Variants in DOCK11 observed in about 807,000 individuals in gnomAD.
DOCK11 encodes dedicator of cytokinesis 11.
A neutral mutation model predicts 169.1 loss-of-function variants in DOCK11; 70 were observed. The ratio of observed to expected loss-of-function variants is 0.41; its 90% CI spans 0.34 to 0.51. The LOEUF (loss-of-function observed/expected upper bound fraction) is 0.51, where lower values mean the gene tolerates loss of function less well. Among genes scored for constraint, DOCK11 ranks in the 20% least tolerant of loss-of-function variants. DOCK11 has a pLI of 0.10. For synonymous variants in DOCK11, 529 were observed against 541.3 expected (o/e 0.98, Z 0.32); for missense variants, 1,166 against 1,538.8 (o/e 0.76, Z 4.05).
chrX:118,545,128 C>G (rs1489107030), intron 4 of DOCK11, among the ~76,000 whole-genome samples, 195 bp from the exon 5 acceptor site: 1 of 111,265 alleles, frequency 9.0e-6, no homozygotes, highest in East Asian at 2.8e-4. Context: ...CACAAACTTA[C>G]AGTAAGTTTA....
At chrX:118,552,179 GA>G (rs991938311) in intron 6 of DOCK11, among the ~76,000 whole-genome samples, 2 of 112,068 alleles carry the variant, frequency 1.8e-5, no homozygotes, top group African/African-American at 6.5e-5. Context: ...AAGGGAATTA[GA>G]AGATTCCAAC....
intron 12 of DOCK11, among the ~76,000 whole-genome samples, chrX:118,574,635 A>G (rs1428990393): frequency 1.8e-5 from 2 of 111,935 alleles, no homozygotes; most frequent in Non-Finnish European, 3.8e-5. Context: ...TATACTTCTA[A>G]GCAAGGCAAT....
At chrX:118,513,808 C>T (rs753425057) in intron 1 of DOCK11, among the ~76,000 whole-genome samples, 2 of 111,451 alleles carry the variant, frequency 1.8e-5, no homozygotes, top group South Asian at 3.8e-4. Context: ...GATTTTGCTT[C>T]GTTGGGGTTA....
intron 6 of DOCK11, among the ~76,000 whole-genome samples, chrX:118,552,371 G>A (rs917348174): frequency 2.7e-5 from 3 of 111,819 alleles, no homozygotes; most frequent in Non-Finnish European, 5.6e-5. Context: ...CATTCAAGTC[G>A]ATGGGCTGTA....
intron 32 of DOCK11, among the ~76,000 whole-genome samples, chrX:118,625,669 A>G (rs1054251178): frequency 1.8e-5 from 2 of 111,988 alleles, no homozygotes; most frequent in African/African-American, 6.5e-5. Flanking sequence ...AAGATTCTCT[A>G]CTTCCAAGAT....
At chrX:118,651,175 T>A (rs1052853844) in intron 41 of DOCK11, among the ~76,000 whole-genome samples, 1 of 112,191 alleles carries the variant, frequency 8.9e-6, no homozygotes, top group African/African-American at 3.2e-5. Context: ...GGTTCATGCC[T>A]GTAATCCTAG....
At chrX:118,531,189 C>T (rs1048578158) in intron 1 of DOCK11, among the ~76,000 whole-genome samples, 1 of 109,222 alleles carries the variant, frequency 9.2e-6, no homozygotes, top group African/African-American at 3.3e-5. Context: ...GGTGCAGTGG[C>T]TCATGCTGGT....
chrX:118,678,453 ATTT>A (rs1420652700), intron 48 of DOCK11, among the ~76,000 whole-genome samples: 1 of 110,871 alleles, frequency 9.0e-6, no homozygotes, highest in Non-Finnish European at 1.9e-5. Context: ...CAAGATGTAT[ATTT>A]TTTTCTTTTC....
chrX:118,542,938 G>A lies in DOCK11; in HGVS notation c.232G>A (p.Gly78Ser). The A allele has an allele frequency of 8.3e-7, 1 of 1,210,779 alleles. No homozygotes were observed. The highest frequency in any genetic ancestry group is 1.1e-6 in the Non-Finnish European group (1 of 895,007). The change falls in exon 3 of 53, where the codon GGT becomes AGT. Residue 78 changes from glycine to serine, a missense_variant. Transcript: ENST00000276202. Reference sequence around the variant, plus strand: ...CTTTGTGTTCTAGATCTCGGTGATAGGTCGTCAACGCAGAACGGTGCAGTC... The same window carrying A: ...CTTTGTGTTCTAGATCTCGGTGATAAGTCGTCAACGCAGAACGGTGCAGTC... ...PMEDISISVI[G>S]RQRRTVQSTV...
At chrX:118,659,884 G>A (rs1171982822) in intron 44 of DOCK11, among the ~76,000 whole-genome samples, 1 of 112,033 alleles carries the variant, frequency 8.9e-6, no homozygotes, top group Non-Finnish European at 1.9e-5. Flanking sequence ...TTAAATCCCA[G>A]CATTCTAGAA....
intron 1 of DOCK11, among the ~76,000 whole-genome samples, chrX:118,512,612 A>G (rs770738429): frequency 3.6e-5 from 4 of 112,123 alleles, no homozygotes; most frequent in Admixed American, 2.8e-4. Context: ...TAGTTGGAAC[A>G]TAGGGAAACT....
At chrX:118,677,603 G>T (rs772346462) in intron 48 of DOCK11, among the ~76,000 whole-genome samples, 30 of 112,624 alleles carry the variant, frequency 2.7e-4, no homozygotes, top group African/African-American at 9.6e-4. Context: ...AAAAGCCCAT[G>T]GCTATTGTAA....
intron 1 of DOCK11, among the ~76,000 whole-genome samples, chrX:118,502,773 CAA>C (rs1461646664): frequency 1.9e-5 from 2 of 106,252 alleles, no homozygotes; most frequent in Non-Finnish European, 4.0e-5. Context: ...ACAAAACAAA[CAA>C]ACAAACAAAC....
At chrX:118,543,423 G>C in intron 3 of DOCK11, 88 bp from the exon 4 acceptor site, 1 of 741,434 alleles carries the variant, frequency 1.3e-6, no homozygotes, top group Non-Finnish European at 2.0e-6. Flanking sequence ...GTTTTAGAAA[G>C]CCTGTCGGCA....
intron 6 of DOCK11, among the ~76,000 whole-genome samples, chrX:118,547,462 G>C (rs2012327336): frequency 8.9e-6 from 1 of 112,185 alleles, no homozygotes. Flanking sequence ...GCATCAGCAA[G>C]TGGTGATAAT....
intron 42 of DOCK11, among the ~76,000 whole-genome samples, chrX:118,652,676 C>G (rs1603164562): frequency 8.9e-6 from 1 of 111,949 alleles, no homozygotes; most frequent in Non-Finnish European, 1.9e-5. Context: ...ACTTATAGCA[C>G]TGTAAAAATT....
Position 118,677,141 on chromosome X carries a change from G to A in DOCK11, c.5460+404G>A, listed in dbSNP as rs1257848834. ...CTAAAGGTTAGATATTATTGTAAAT[G>A]CTATTGTACATCATGATTCTCCGTT... is the stretch of plus-strand genomic sequence containing the variant. On this transcript the variant is annotated intron_variant, in intron 48 of 52. Transcript: ENST00000276202. Among the ~76,000 whole-genome samples, 8 of 112,181 alleles carry A rather than the reference G, an allele frequency of 7.1e-5. No individual in the cohort carries two copies. In the East Asian group the frequency reaches 2.2e-3, roughly 31 times the overall value.
chrX:118,563,155 T>C (rs2012965225), intron 7 of DOCK11, among the ~76,000 whole-genome samples: 1 of 112,089 alleles, frequency 8.9e-6, no homozygotes. Flanking sequence ...AGAAGAACAA[T>C]GGGCTGATTA....
rs2186106 is a variant in DOCK11 at position 118,685,939 on chromosome X, A to G, written c.*132A>G. The G allele has an allele frequency of 0.17, 150,180 of 861,256 alleles. 9,658 individuals are homozygous for G. The highest frequency in any genetic ancestry group is 0.28 in the Admixed American group (7,701 of 27,894). 71.0% of individuals were successfully genotyped at this position (861,256 alleles called of 1,213,427 possible). A position where few individuals can be genotyped will look rare whatever the true frequency, so the allele number is the denominator to read the frequency against. On this transcript the variant is annotated 3_prime_UTR_variant, in exon 53 of 53. Transcript: ENST00000276202. The stretch of plus-strand genomic sequence containing the variant: ...GACACCAAAATTTTCATGTGTTCCA[A>G]CAGGGTGCTTACATATTTGTAAATA...
Sources: gnomAD v4.1 joint callset for allele counts (sites outside exome capture counted in the v4.1 genomes callset) on GRCh38, gnomAD v4.1.1 for gene constraint, MANE v1.5 for transcripts, NCBI Gene and HGNC (gene_info 2026-07-23, HGNC 2026-07-21) for gene names.